Variants in RASEF observed in about 807,000 individuals in gnomAD.
RASEF encodes the protein ras and EF-hand domain-containing protein.
In RASEF, 68 loss-of-function variants were observed where a neutral mutation model predicts 90.1. The ratio of observed to expected loss-of-function variants is 0.75; its 90% CI spans 0.62 to 0.92. The LOEUF is 0.92. Among genes scored for constraint, RASEF ranks in the 40% least tolerant of loss-of-function variants. The probability of loss-of-function intolerance (pLI) is 0.00; values close to 1 mark genes in which losing one functional copy is unlikely to be tolerated. For synonymous variants in RASEF, 331 were observed against 345.2 expected, an observed-to-expected ratio of 0.96 and a Z score of 0.46; for missense variants, 949 against 937.2, an observed-to-expected ratio of 1.01 and a Z score of -0.16.
chr9:83,204,056 C>G, the RASEF span, among the ~76,000 whole-genome samples: 1 of 152,156 alleles, frequency 6.6e-6, no homozygotes, highest in African/African-American at 2.4e-5. Flanking sequence ...GGCAGTGTCA[C>G]AGTCCTCCAG....
At chr9:83,156,493 T>C in the RASEF span, among the ~76,000 whole-genome samples, 1 of 152,218 alleles carries the variant, frequency 6.6e-6, no homozygotes, top group Admixed American at 6.5e-5. Flanking sequence ...TCTTCTTTCC[T>C]AATTACACTC....
At chr9:83,045,688 T>C (rs994744867) in intron 1 of RASEF, among the ~76,000 whole-genome samples, 1 of 152,248 alleles carries the variant, frequency 6.6e-6, no homozygotes, top group Non-Finnish European at 1.5e-5. Context: ...GGACTCAAGA[T>C]GTTTTTTTAG....
chr9:83,182,794 T>C, the RASEF span, among the ~76,000 whole-genome samples: 1 of 152,204 alleles, frequency 6.6e-6, no homozygotes, highest in Non-Finnish European at 1.5e-5. Flanking sequence ...TCTCTAACTT[T>C]GGAAAGAAAC....
At position 83,000,449 on chromosome 9, in the gene RASEF, G is replaced by A. The variant is rs761486019; in HGVS notation, c.1559C>T (p.Ser520Leu). 6 of 1,614,092 alleles carry A rather than the reference G, an allele frequency of 3.7e-6. No individual in the cohort carries two copies. In the South Asian group the frequency reaches 6.6e-5, roughly 18 times the overall value. ...SIVSSSRKPI[S>L]ALSPQTDLVD... ...ACCACCTACCTGGGGCGAGAGTGCT[G>A]AGATGGGCTTTCTTGATGAACTAAC... Residue 520 changes from serine (S) to leucine (L), a missense_variant, in exon 11 of 17, where the codon TCA (serine) becomes TTA (leucine). Around this residue, in one of 3 missense-constraint regions of RASEF, gnomAD observed 288 missense variants for 328.4 expected, o/e 0.88. Coordinates refer to ENST00000376447, the MANE Select transcript of RASEF (RefSeq NM_152573.4).
At chr9:83,025,153 C>T (rs949162344) in intron 2 of RASEF, among the ~76,000 whole-genome samples, 1 of 152,156 alleles carries the variant, frequency 6.6e-6, no homozygotes, top group Non-Finnish European at 1.5e-5. Context: ...TGTAAGCTAG[C>T]TATGGCTTAA....
chr9:83,172,257 CA>C, the RASEF span, among the ~76,000 whole-genome samples: 3 of 151,702 alleles, frequency 2.0e-5, no homozygotes, highest in Non-Finnish European at 4.4e-5. Context: ...CCCTTCTTGT[CA>C]GAAAAGATGC....
the RASEF span, among the ~76,000 whole-genome samples, chr9:83,132,513 T>C: frequency 9.9e-5 from 15 of 152,174 alleles, no homozygotes; most frequent in Non-Finnish European, 1.9e-4. Context: ...TAAGTGATTA[T>C]TGTCTTATGC....
chr9:83,123,582 G>C, the RASEF span, among the ~76,000 whole-genome samples: 6 of 135,468 alleles, frequency 4.4e-5, no homozygotes, highest in African/African-American at 1.4e-4. Flanking sequence ...AGAATCATTC[G>C]CAAGGAGCCC....
intron 1 of RASEF, among the ~76,000 whole-genome samples, chr9:83,061,535 T>C (rs1050007991): frequency 6.6e-6 from 1 of 152,030 alleles, no homozygotes; most frequent in Non-Finnish European, 1.5e-5. Flanking sequence ...CGCTGGGGCA[T>C]GAAGTGAAAA....
At chr9:83,076,049 T>G in the RASEF span, among the ~76,000 whole-genome samples, 7 of 151,806 alleles carry the variant, frequency 4.6e-5, no homozygotes, top group Middle Eastern at 3.4e-3. Flanking sequence ...GTGCCTGTAA[T>G]CCCAGCTACT....
rs781612863 is a variant in RASEF, at chr9:83,022,443, T to G, written c.579-17A>C. On this transcript the variant is annotated splice_polypyrimidine_tract_variant and intron_variant, in intron 2 of 16. Coordinates refer to ENST00000376447, the MANE Select transcript of RASEF (RefSeq NM_152573.4). ...TCCTGGGCTCTGAAATTCAAAAGGA[T>G]GCACACCTTTTCATTATACTCTTGA... 3 of 1,564,108 alleles carry G rather than the reference T, an allele frequency of 1.9e-6. No individual in the cohort carries two copies. The highest frequency in any genetic ancestry group is 2.6e-6 in the Non-Finnish European group (3 of 1,134,536).
chr9:83,030,967 C>T (rs1457906964), intron 1 of RASEF, among the ~76,000 whole-genome samples: 2 of 152,074 alleles, frequency 1.3e-5, no homozygotes, highest in African/African-American at 4.8e-5. Context: ...TCCTCATCAC[C>T]GAAGTGAAAA....
the RASEF span, among the ~76,000 whole-genome samples, chr9:83,154,085 T>G: frequency 6.6e-6 from 1 of 152,230 alleles, no homozygotes. Context: ...AAATACAGAC[T>G]CCAGATAGCT....
chr9:83,012,602 A>G, intron 4 of RASEF, 91 bp from the exon 5 acceptor site: 1 of 563,932 alleles, frequency 1.8e-6, no homozygotes, highest in Non-Finnish European at 2.9e-6. Flanking sequence ...ACATATGAGA[A>G]TTCTAGAAGT....
chr9:83,031,349 A>G (rs967284105), intron 1 of RASEF, among the ~76,000 whole-genome samples: 2 of 152,248 alleles, frequency 1.3e-5, no homozygotes, highest in African/African-American at 4.8e-5. Context: ...ACAAAAGGCT[A>G]TCTTGAAGCA....
the RASEF span, among the ~76,000 whole-genome samples, chr9:83,146,617 T>C: frequency 6.6e-6 from 1 of 152,194 alleles, no homozygotes; most frequent in Non-Finnish European, 1.5e-5. Context: ...AATATTCAAA[T>C]CTCTTTTTGA....
rs142088621 is a variant in RASEF, at chr9:83,022,189, C to A, written c.669+147G>T. On this transcript the variant is annotated intron_variant, in intron 3 of 16. Transcript: ENST00000376447. ...TTCTTACCCCATCCCCAAAAACCAC[C>A]ACCAGTAAAAATTCCTTTGCTGGGA... is the stretch of plus-strand genomic sequence containing the variant. 587 of 650,068 alleles carry A rather than the reference C, an allele frequency of 9.0e-4. 1 individual carries two copies. The highest frequency in any genetic ancestry group is 8.8e-3 in the African/African-American group (490 of 55,472). 40.3% of individuals were successfully genotyped at this position (650,068 alleles called of 1,614,324 possible).
the RASEF span, among the ~76,000 whole-genome samples, chr9:83,095,385 T>C: frequency 1.3e-5 from 2 of 151,042 alleles, no homozygotes; most frequent in African/African-American, 4.9e-5. Context: ...CAGGAAGCAA[T>C]GGCAGTAGTG....
the RASEF span, among the ~76,000 whole-genome samples, chr9:83,107,129 T>C: frequency 6.6e-6 from 1 of 152,182 alleles, no homozygotes; most frequent in Non-Finnish European, 1.5e-5. Flanking sequence ...CAGCTTCCTC[T>C]TTCCTCAAAG....
Sources: gnomAD v4.1 joint callset for allele counts (sites outside exome capture counted in the v4.1 genomes callset) on GRCh38, gnomAD v4.1.1 for gene constraint, gnomAD v4.1.1 regional missense constraint, MANE v1.5 for transcripts, NCBI Gene and HGNC (gene_info 2026-07-23, HGNC 2026-07-21) for gene names.